The following FRMD4B variants were observed in gnomAD, a reference collection of about 807,000 sequenced individuals.
FRMD4B encodes the protein FERM domain-containing protein 4B.
In FRMD4B, 74 loss-of-function variants were observed where a neutral mutation model predicts 141.5. That is an observed-to-expected ratio of 0.52 (90% CI 0.43 to 0.63). The LOEUF is 0.63. Ranked by LOEUF, FRMD4B falls within the 30% of genes least tolerant of loss-of-function variation. The pLI, the probability that FRMD4B is intolerant of heterozygous loss-of-function variation, is 0.00. For synonymous variants in FRMD4B, 506 were observed against 467.9 expected (o/e 1.08, Z -1.05); for missense variants, 1,366 against 1,253.4 (o/e 1.09, Z -1.36).
chr3:69,321,046 G>A (rs1158278735), intron 1 of FRMD4B: 2 of 152,260 alleles, frequency 1.3e-5, no homozygotes, highest in Admixed American at 6.5e-5. Context: ...CAGACCTCTG[G>A]TTTCAAAGAG....
chr3:69,295,926 C>T (rs2107130147), intron 4 of FRMD4B, among the ~76,000 whole-genome samples: 1 of 152,272 alleles, frequency 6.6e-6, no homozygotes, highest in South Asian at 2.1e-4. Context: ...AAGTGATTCT[C>T]CTGCCTCAGC....
intron 1 of FRMD4B, among the ~76,000 whole-genome samples, chr3:69,491,934 A>G (rs973677018): frequency 6.6e-6 from 1 of 152,208 alleles, no homozygotes; most frequent in Non-Finnish European, 1.5e-5. Flanking sequence ...GTCATGCTCA[A>G]ACAACCGGAG....
At chr3:69,213,296 C>T (rs1022789445) in intron 11 of FRMD4B, among the ~76,000 whole-genome samples, 8 of 151,446 alleles carry the variant, frequency 5.3e-5, no homozygotes. Context: ...AGACTTCTTC[C>T]CCTAAAGCAT....
At chr3:69,535,234 T>G (rs1258617920) in intron 1 of FRMD4B, among the ~76,000 whole-genome samples, 1 of 152,238 alleles carries the variant, frequency 6.6e-6, no homozygotes, top group Non-Finnish European at 1.5e-5. Context: ...TGACCTGTCC[T>G]GCCTTCTTAT....
chr3:69,387,423 T>C (rs749323764), upstream of FRMD4B, among the ~76,000 whole-genome samples: 2 of 152,240 alleles, frequency 1.3e-5, no homozygotes, highest in Non-Finnish European at 2.9e-5. Flanking sequence ...AGCCTCCATT[T>C]TCCCTTAGAA....
At chr3:69,338,938 C>T (rs1212038551) in intron 1 of FRMD4B, among the ~76,000 whole-genome samples, 1 of 152,138 alleles carries the variant, frequency 6.6e-6, no homozygotes, top group African/African-American at 2.4e-5. Context: ...GCACCCAATA[C>T]CTATTAAAAC....
At chr3:69,248,820 C>A (rs905969656) in intron 7 of FRMD4B, among the ~76,000 whole-genome samples, 1 of 152,244 alleles carries the variant, frequency 6.6e-6, no homozygotes, top group Non-Finnish European at 1.5e-5. Context: ...GAAAGAAAGC[C>A]CCTATTAATC....
chr3:69,314,619 G>C (rs1389228691), intron 1 of FRMD4B, among the ~76,000 whole-genome samples: 1 of 151,824 alleles, frequency 6.6e-6, no homozygotes, highest in East Asian at 1.9e-4. Context: ...TAGATCACTT[G>C]AGGCCAGGAG....
At chr3:69,521,486 A>C (rs888493741) in intron 1 of FRMD4B, among the ~76,000 whole-genome samples, 1 of 152,180 alleles carries the variant, frequency 6.6e-6, no homozygotes, top group African/African-American at 2.4e-5. Flanking sequence ...TGCATTCATC[A>C]TTTCCTAACT....
chr3:69,445,780 C>T lies in FRMD4B; in HGVS notation c.-128-13019G>A, dbSNP rs138949657. The stretch of plus-strand genomic sequence containing the variant: ...TTCGAATTCAACTCGCATGACCTTC[C>T]CAGATCACTATATCCTAAATAGTAT... On this transcript the variant is annotated intron_variant, in intron 1 of 5. Transcript: ENST00000459638. Among the ~76,000 whole-genome samples the T allele has an allele frequency of 3.4e-3, 525 of 152,250 alleles. 4 individuals are homozygous for T. The highest frequency in any genetic ancestry group is 0.012 in the African/African-American group (492 of 41,558).
intron 1 of FRMD4B, among the ~76,000 whole-genome samples, chr3:69,367,912 A>C (rs551307565): frequency 6.6e-5 from 10 of 152,240 alleles, no homozygotes; most frequent in Non-Finnish European, 1.5e-4. Flanking sequence ...AATTTATCAG[A>C]TCAATCATAA....
intron 1 of FRMD4B, among the ~76,000 whole-genome samples, chr3:69,319,437 A>G (rs1398771071): frequency 2.6e-5 from 4 of 152,144 alleles, no homozygotes; most frequent in African/African-American, 9.7e-5. Flanking sequence ...TAATGGGAGG[A>G]ATATTACTGA....
intron 1 of FRMD4B, among the ~76,000 whole-genome samples, chr3:69,511,688 T>G (rs1313111006): frequency 6.6e-6 from 1 of 152,170 alleles, no homozygotes; most frequent in Non-Finnish European, 1.5e-5. Flanking sequence ...ATCACTGAAG[T>G]GTTCTTAGAG....
chr3:69,192,896 C>T (rs2092854879), intron 17 of FRMD4B, among the ~76,000 whole-genome samples: 1 of 152,030 alleles, frequency 6.6e-6, no homozygotes, highest in Admixed American at 6.6e-5. Context: ...TAGTTCACTG[C>T]AGCCTCGATT....
intron 11 of FRMD4B, among the ~76,000 whole-genome samples, chr3:69,202,426 T>C (rs551552354): frequency 6.6e-6 from 1 of 151,088 alleles, no homozygotes; most frequent in Non-Finnish European, 1.5e-5. Flanking sequence ...AATTTTCATA[T>C]TAAAACAGAA....
At chr3:69,255,785 C>T (rs953455157) in intron 5 of FRMD4B, among the ~76,000 whole-genome samples, 1 of 152,134 alleles carries the variant, frequency 6.6e-6, no homozygotes, top group Non-Finnish European at 1.5e-5. Context: ...AGAAAGTTCT[C>T]TCTCTCTTTC....
intron 21 of FRMD4B, among the ~76,000 whole-genome samples, chr3:69,179,612 C>T (rs1430101823): frequency 6.6e-6 from 1 of 152,116 alleles, no homozygotes; most frequent in East Asian, 1.9e-4. Flanking sequence ...TCAACAAGTA[C>T]ATGAAACTTT....
At chr3:69,429,233 C>T (rs1575799713) in intron 2 of FRMD4B, among the ~76,000 whole-genome samples, 1 of 152,192 alleles carries the variant, frequency 6.6e-6, no homozygotes, top group South Asian at 2.1e-4. Context: ...GTGCATATAT[C>T]ATTTTGTATT....
At chr3:69,409,933 A>G (rs1243324499) in intron 2 of FRMD4B, among the ~76,000 whole-genome samples, 1 of 152,182 alleles carries the variant, frequency 6.6e-6, no homozygotes, top group African/African-American at 2.4e-5. Flanking sequence ...ACATGAGCCA[A>G]TAAGCAGCTC....
Sources: allele counts gnomAD v4.1 joint callset (sites outside exome capture counted in the v4.1 genomes callset), GRCh38; gene constraint gnomAD v4.1.1; transcripts MANE v1.5; gene names NCBI Gene and HGNC (gene_info 2026-07-23, HGNC 2026-07-21).